PSCA: variants seen among roughly 807,000 people sequenced by gnomAD.
PSCA encodes the protein prostate stem cell antigen.
A neutral mutation model predicts 7.9 loss-of-function variants in PSCA; 7 were observed. That is an observed-to-expected ratio of 0.89 (90% CI 0.51 to 1.67). PSCA has a LOEUF of 1.67. PSCA is among the 40% of genes most tolerant of loss of function. The pLI is 0.00. For synonymous variants in PSCA, 61 were observed against 68.3 expected (o/e 0.89, Z 0.53); for missense variants, 151 against 147.9 (o/e 1.02, Z -0.11).
upstream of PSCA, among the ~76,000 whole-genome samples, chr8:142,679,401 G>A (rs1487737786): frequency 7.0e-6 from 1 of 142,606 alleles, no homozygotes; most frequent in African/African-American, 2.6e-5. Context: ...CCCCAGGGAG[G>A]CTGTCCCCTG....
At position 142,682,250 on chromosome 8, in the gene PSCA, A is replaced by G. The variant is rs1473446424; in HGVS notation, c.*118A>G. The G allele has an allele frequency of 7.2e-6, 9 of 1,257,126 alleles. No individual in the cohort carries two copies. In the Admixed American group the frequency reaches 1.8e-4, roughly 25 times the overall value. 77.9% of individuals were successfully genotyped at this position (1,257,126 alleles called of 1,614,324 possible). On this transcript the variant is annotated 3_prime_UTR_variant, in exon 3 of 3. Transcript: ENST00000301258. Reference sequence around the variant, plus strand: ...TGGTTCCTGAGGCACATCCTAACGCAAGTCTGACCATGTATGTCTGCGCCC... The same window carrying G: ...TGGTTCCTGAGGCACATCCTAACGCGAGTCTGACCATGTATGTCTGCGCCC...
At chr8:142,672,526 G>A (rs1847345316) in intron 1 of PSCA, among the ~76,000 whole-genome samples, 1 of 152,178 alleles carries the variant, frequency 6.6e-6, no homozygotes, top group Admixed American at 6.5e-5. Flanking sequence ...CCCTGGACTG[G>A]GGCTCCCATG....
At chr8:142,680,740 C>G (rs587706546) in intron 1 of PSCA, 177 bp downstream of exon 1, 2 of 813,638 alleles carry the variant, frequency 2.5e-6, no homozygotes, top group African/African-American at 1.7e-5. Context: ...GACCAGGCAG[C>G]GACCTGTTCC....
upstream of PSCA, chr8:142,680,283 G>T (rs755236303): frequency 1.0e-4 from 55 of 543,564 alleles, no homozygotes; most frequent in Non-Finnish European, 1.0e-4. Flanking sequence ...TCAGCCCGGG[G>T]TGGCTGAGAT....
chr8:142,676,942 T>G (rs1478367610), upstream of PSCA, among the ~76,000 whole-genome samples: 2 of 152,162 alleles, frequency 1.3e-5, no homozygotes, highest in Non-Finnish European at 2.9e-5. Context: ...CAGTTTAGGC[T>G]CAGGGGCTGC....
upstream of PSCA, among the ~76,000 whole-genome samples, chr8:142,679,122 T>A (rs1847432912): frequency 6.6e-6 from 1 of 152,200 alleles, no homozygotes; most frequent in South Asian, 2.1e-4. Flanking sequence ...CACTCTCTCA[T>A]CTCCTGCCTG....
At chr8:142,677,325 C>T (rs782532353), upstream of PSCA, among the ~76,000 whole-genome samples, 33 of 152,192 alleles carry the variant, frequency 2.2e-4, no homozygotes, top group Non-Finnish European at 4.6e-4. Context: ...TGGTGGGGAT[C>T]CTGTGTGTTG....
intron 2 of PSCA, 146 bp downstream of exon 2, chr8:142,681,580 ATC>A: frequency 1.4e-6 from 1 of 705,348 alleles, no homozygotes; most frequent in Non-Finnish European, 2.5e-6. Context: ...ATCACCCAGC[ATC>A]TGTCCCTCCA....
In PSCA at chr8:142,682,038, A is replaced by G. The variant is rs1814655619; in HGVS notation, c.251A>G (p.Asn84Ser). The change falls in exon 3 of 3, where the codon AAC (asparagine) becomes AGC (serine). Residue 84 changes from asparagine to serine, a missense_variant. Coordinates refer to ENST00000301258, the MANE Select transcript of PSCA (RefSeq NM_005672.5). ...NITCCDTDLC[N>S]ASGAHALQPA... Reference sequence around the variant, plus strand: ...ACGTGCTGTGACACCGACTTGTGCAACGCCAGCGGGGCCCATGCCCTGCAG... The same window carrying G: ...ACGTGCTGTGACACCGACTTGTGCAGCGCCAGCGGGGCCCATGCCCTGCAG... 1 of 1,612,648 alleles carries G rather than the reference A, an allele frequency of 6.2e-7. No individual in the cohort carries two copies. Among genetic ancestry groups the G allele is most frequent in the East Asian group, 2.2e-5 (1 of 44,886 alleles).
At chr8:142,681,252 C>T (rs1814625198) in intron 1 of PSCA, 75 bp from the exon 2 acceptor site, 2 of 1,180,938 alleles carry the variant, frequency 1.7e-6, no homozygotes, top group South Asian at 1.4e-5. Context: ...CATGGAGGCC[C>T]ACCTGCCTGG....
intron 1 of PSCA, among the ~76,000 whole-genome samples, chr8:142,675,222 A>T (rs1554637722): frequency 6.6e-6 from 1 of 151,998 alleles, no homozygotes; most frequent in Non-Finnish European, 1.5e-5. Context: ...GAGTGGCAGG[A>T]GCAGAGGGTG....
At chr8:142,679,170 C>A (rs139153574), upstream of PSCA, among the ~76,000 whole-genome samples, 4,771 of 152,344 alleles carry the variant, frequency 0.031, 114 homozygotes, top group South Asian at 0.056. Context: ...TGGAGCAGGA[C>A]GGAGAGGGGA....
chr8:142,680,901 A>T (rs1215937112), intron 1 of PSCA: 1 of 517,440 alleles, frequency 1.9e-6, no homozygotes, highest in African/African-American at 1.9e-5. Context: ...GACATGGGAC[A>T]GGAAGCCTCA....
At position 142,675,000 on chromosome 8, in the gene PSCA, C is replaced by A. The variant is rs587633119; in HGVS notation, n.261+4432C>A. 9.2e-5 allele frequency among the ~76,000 whole-genome samples: 14 copies of A among 152,396 alleles called. No individual in the cohort carries two copies. In the South Asian group the frequency reaches 2.9e-3, roughly 32 times the overall value. ...CCCCCGTGCCTGCTATTCCCTCTGCCTGGAGGTGGGCTTGTATCCGGCAGT... is the reference window on the plus strand; with the variant it reads ...CCCCCGTGCCTGCTATTCCCTCTGCATGGAGGTGGGCTTGTATCCGGCAGT... On this transcript the variant is annotated intron_variant and non_coding_transcript_variant, in intron 1 of 1. Transcript: ENST00000505305.
In PSCA at chr8:142,673,964, ACGGC is replaced by A. The variant is rs1554637580; in HGVS notation, n.261+3397_261+3400del. ...GATCCCCTCATCTTCCTAATGAATA[ACGGC>A]TGGGAATCGTTTCAGTCTAACCTCA... On this transcript the variant is annotated intron_variant and non_coding_transcript_variant, in intron 1 of 1. Transcript: ENST00000505305. The surrounding 1 kb of genome is among the most constrained non-coding windows in gnomAD (Gnocchi z 4.6). Among the ~76,000 whole-genome samples the A allele has an allele frequency of 3.5e-4, 53 of 150,384 alleles. No homozygotes were observed. The highest frequency in any genetic ancestry group is 1.3e-3 in the African/African-American group (53 of 40,692).
upstream of PSCA, among the ~76,000 whole-genome samples, chr8:142,679,280 A>G (rs73714666): frequency 5.6e-3 from 859 of 152,338 alleles, 9 homozygotes; most frequent in African/African-American, 0.02. Flanking sequence ...GTTTGCAGCT[A>G]AAGTTCCAAG....
At chr8:142,675,353 G>C (rs1554637738) in intron 1 of PSCA, among the ~76,000 whole-genome samples, 1 of 152,226 alleles carries the variant, frequency 6.6e-6, no homozygotes, top group Non-Finnish European at 1.5e-5. Context: ...CTGGTTTGGG[G>C]CAGGGCCCTG....
intron 1 of PSCA, among the ~76,000 whole-genome samples, chr8:142,671,209 A>C (rs1554637338): frequency 1.3e-5 from 2 of 152,182 alleles, no homozygotes; most frequent in African/African-American, 4.8e-5. Flanking sequence ...GGAGTTAGGA[A>C]GCCAAGTGAG....
chr8:142,675,569 C>G (rs1402084045), upstream of PSCA, among the ~76,000 whole-genome samples: 1 of 152,222 alleles, frequency 6.6e-6, no homozygotes, highest in Non-Finnish European at 1.5e-5. Context: ...ACACAACACA[C>G]AACCGGTGCA....
Sources: allele counts gnomAD v4.1 joint callset (sites outside exome capture counted in the v4.1 genomes callset), GRCh38; gene constraint gnomAD v4.1.1; non-coding constraint Gnocchi (gnomAD v3.1); transcripts MANE v1.5; gene names NCBI Gene and HGNC (gene_info 2026-07-23, HGNC 2026-07-21).